Variants in DSC1 observed in about 807,000 individuals in gnomAD.
DSC1 encodes the protein desmocollin-1.
A neutral mutation model predicts 98.8 loss-of-function variants in DSC1; 79 were observed. That is an observed-to-expected ratio of 0.80 (90% CI 0.67 to 0.96). The LOEUF is 0.96. Ranked by LOEUF, DSC1 falls within the 50% of genes least tolerant of loss-of-function variation. The pLI, the probability that DSC1 is intolerant of heterozygous loss-of-function variation, is 0.00. For missense variants in DSC1, 1,115 were observed against 1,075.9 expected, an observed-to-expected ratio of 1.04 and a Z score of -0.51; for synonymous variants, 405 against 372.1, an observed-to-expected ratio of 1.09 and a Z score of -1.02.
At chr18:31,154,987 C>A in intron 4 of DSC1, 58 bp from the exon 5 acceptor site, 1 of 1,580,666 alleles carries the variant, frequency 6.3e-7, no homozygotes, top group South Asian at 1.2e-5. Flanking sequence ...TTCAACCTAA[C>A]CTCTTGTGAT....
intron 15 of DSC1, chr18:31,130,954 G>T: frequency 1.1e-6 from 1 of 918,416 alleles, no homozygotes; most frequent in Non-Finnish European, 1.6e-6. Context: ...CATATATCAC[G>T]CAACACATTT....
At chr18:31,145,526 A>G in intron 7 of DSC1, 85 bp downstream of exon 7, 1 of 1,467,530 alleles carries the variant, frequency 6.8e-7, no homozygotes, top group South Asian at 1.3e-5. Context: ...AGGAGGCCAG[A>G]CTGGCCATAT....
At chr18:31,141,885 T>G in intron 9 of DSC1, 114 bp downstream of exon 9, 1 of 980,014 alleles carries the variant, frequency 1.0e-6, no homozygotes, top group East Asian at 2.8e-5. Context: ...CCAATATAAA[T>G]CATTTGGCCT....
intron 13 of DSC1, among the ~76,000 whole-genome samples, chr18:31,133,009 G>A (rs961354761): frequency 1.3e-5 from 2 of 151,770 alleles, no homozygotes; most frequent in African/African-American, 4.8e-5. Context: ...ACACTTAAAG[G>A]GCTTAAAATA....
At chr18:31,160,352 A>G (rs1402881005) in intron 1 of DSC1, among the ~76,000 whole-genome samples, 3 of 152,196 alleles carry the variant, frequency 2.0e-5, no homozygotes, top group African/African-American at 7.2e-5. Flanking sequence ...TAAATATAAG[A>G]TAGAGTAGAG....
intron 5 of DSC1, 87 bp downstream of exon 5, chr18:31,154,687 C>A (rs1989060627): frequency 8.6e-7 from 1 of 1,161,930 alleles, no homozygotes; most frequent in South Asian, 2.0e-5. Context: ...ATAATTGATT[C>A]TTATAATATG....
In DSC1 at chr18:31,142,056, T is replaced by G. The variant is rs143090732; in HGVS notation, c.1203A>C (p.Gly401=). ...TTGGATCTGTGCTAATTATGAAGTT[T>G]CCATTTTCATTTCCTTGTAGGATTT... is the stretch of plus-strand genomic sequence containing the variant. ...VYKILQGNEN[G]NFIISTDPNT... The change falls in exon 9 of 16, where the codon GGA becomes GGC. Residue 401 remains glycine, a synonymous_variant. Coordinates refer to ENST00000257198, the MANE Select transcript of DSC1 (RefSeq NM_024421.2). The G allele has an allele frequency of 3.6e-5, 58 of 1,613,048 alleles. No homozygotes were observed. The African/African-American group carries it at 7.3e-4, about 20-fold the overall frequency.
In DSC1 at chr18:31,139,574, C is replaced by T. The variant is rs138546091; in HGVS notation, c.1663+174G>A. The stretch of plus-strand genomic sequence containing the variant: ...GCTTTGGCCATTCACTACCTCATAG[C>T]TTTGCATTATAGATGCACTGAAGCC... On this transcript the variant is annotated intron_variant, in intron 11 of 15. Coordinates refer to ENST00000257198, the MANE Select transcript of DSC1 (RefSeq NM_024421.2). Among the ~76,000 whole-genome samples the T allele has an allele frequency of 6.8e-3, 1,038 of 152,200 alleles. 11 individuals carry two copies. Among genetic ancestry groups the T allele is most frequent in the African/African-American group, 0.024 (1,011 of 41,534 alleles).
chr18:31,161,413 C>A (rs1989207064), intron 1 of DSC1, among the ~76,000 whole-genome samples: 1 of 151,656 alleles, frequency 6.6e-6, no homozygotes, highest in African/African-American at 2.4e-5. Context: ...ATAGTTATAT[C>A]CACACTTCCA....
chr18:31,140,120 T>C lies in DSC1; in HGVS notation c.1442A>G (p.Gln481Arg). Residue 481 changes from glutamine to arginine, a missense_variant, in exon 10 of 16, where the codon CAA becomes CGA. Physicochemically the swap from Gln to Arg is conservative, Grantham distance 43 (BLOSUM62 1). Transcript: ENST00000257198. ...TTCTTGGCCAGCTGGGAAGCCATCT[T>C]GACTCTGAATAACTTTCACTGGAGG... is the stretch of plus-strand genomic sequence containing the variant. Reference protein sequence around the residue: ...CHPPVKVIQSQDGFPAGQELL... With the variant: ...CHPPVKVIQSRDGFPAGQELL... 1 of 1,614,052 alleles carries C rather than the reference T, an allele frequency of 6.2e-7. No homozygotes were observed. Among genetic ancestry groups the C allele is most frequent in the Non-Finnish European group, 8.5e-7 (1 of 1,179,936 alleles).
chr18:31,159,115 G>A lies in DSC1; in HGVS notation c.148+330C>T, dbSNP rs1277048744. Among the ~76,000 whole-genome samples, 6 of 84,968 alleles carry A rather than the reference G, an allele frequency of 7.1e-5. 1 individual carries two copies. The highest frequency in any genetic ancestry group is 2.1e-4 in the African/African-American group (5 of 23,940). The allele number at this position is 84,968 out of a possible 152,430, so 55.7% of individuals were successfully genotyped here. On this transcript the variant is annotated intron_variant, in intron 2 of 15. Transcript: ENST00000257198. ...AGGCCGGACTGCGGACTGCAGTGGC[G>A]CAATCTCGGCTCACTGCAAGCTCCG...
intron 3 of DSC1, among the ~76,000 whole-genome samples, chr18:31,156,715 A>G (rs571832897): frequency 6.6e-6 from 1 of 152,268 alleles, no homozygotes; most frequent in African/African-American, 2.4e-5. Context: ...AGAATCATTT[A>G]TTAAGAAATG....
intron 14 of DSC1, 31 bp downstream of exon 14, chr18:31,132,537 A>T (rs1463105521): frequency 6.2e-7 from 1 of 1,610,462 alleles, no homozygotes; most frequent in Admixed American, 1.7e-5. Flanking sequence ...TGTTCACCGT[A>T]CAATTCAAAG....
In DSC1 at chr18:31,134,475, C is replaced by A. The variant is rs2144916640; in HGVS notation, c.1876+97G>T. The stretch of plus-strand genomic sequence containing the variant: ...TTTTTAGGGTTAATAAAATAATTTC[C>A]TAAAATAAATGTGTATTTATTATGA... On this transcript the variant is annotated intron_variant, in intron 12 of 15. Coordinates refer to ENST00000257198, the MANE Select transcript of DSC1 (RefSeq NM_024421.2). 5 of 1,087,480 alleles carry A rather than the reference C, an allele frequency of 4.6e-6. No homozygotes were observed. The South Asian group carries it at 9.0e-5, about 20-fold the overall frequency. The allele number at this position is 1,087,480 out of a possible 1,614,324, so 67.4% of individuals were successfully genotyped here. A position where few individuals can be genotyped will look rare whatever the true frequency, so the allele number is the denominator to read the frequency against.
chr18:31,149,459 A>G (rs1292152457), intron 5 of DSC1, among the ~76,000 whole-genome samples: 1 of 152,182 alleles, frequency 6.6e-6, no homozygotes, highest in African/African-American at 2.4e-5. Flanking sequence ...CTTAGTAGTC[A>G]GTTGCCAAGT....
chr18:31,148,517 C>T lies in DSC1; in HGVS notation c.753G>A (p.Val251=). 5.0e-6 allele frequency: 8 copies of T among 1,599,966 alleles called. No individual in the cohort carries two copies. The highest frequency in any genetic ancestry group is 6.0e-6 in the Non-Finnish European group (7 of 1,170,362). The change falls in exon 6 of 16, where the codon GTG becomes GTA. Residue 251 remains valine, a synonymous_variant. Coordinates refer to ENST00000257198, the MANE Select transcript of DSC1 (RefSeq NM_024421.2). ...ACTTACCGGATCGGCAATTTTCAGG[C>T]ACAGTAAAGATAGTCACTCTGTGTT... ...YFEHRVTIFT[V]PENCRSGTSV...
chr18:31,154,882 A>G lies in DSC1; in HGVS notation c.519T>C (p.Ser173=), dbSNP rs1369564402. ...AGGGTTCTTTGTCCACGCCTGGCCC[A>G]CTTATGGAATAAAAGATGGTGTAAT... ...AQNYTIFYSI[S]GPGVDKEPFN... The change falls in exon 5 of 16, where the codon AGT becomes AGC. Residue 173 remains serine (S), a synonymous_variant. Coordinates refer to ENST00000257198, the MANE Select transcript of DSC1 (RefSeq NM_024421.2). 1.2e-6 allele frequency: 2 copies of G among 1,614,122 alleles called. No individual in the cohort carries two copies.
chr18:31,153,591 T>C (rs1231686226), intron 5 of DSC1, among the ~76,000 whole-genome samples: 1 of 152,162 alleles, frequency 6.6e-6, no homozygotes, highest in African/African-American at 2.4e-5. Context: ...ATTTATACAG[T>C]TTCAAATTTT....
At chr18:31,138,600 T>A (rs1988661653) in intron 11 of DSC1, among the ~76,000 whole-genome samples, 1 of 124,096 alleles carries the variant, frequency 8.1e-6, no homozygotes, top group African/African-American at 2.9e-5. Context: ...GAGAACACAT[T>A]GTTTGCATTT....
Sources: allele counts gnomAD v4.1 joint callset (sites outside exome capture counted in the v4.1 genomes callset), GRCh38; gene constraint gnomAD v4.1.1; transcripts MANE v1.5; gene names NCBI Gene and HGNC (gene_info 2026-07-23, HGNC 2026-07-21).